Variants in XRRA1 observed in about 807,000 individuals in gnomAD.
The protein encoded by XRRA1 is X-ray radiation resistance-associated protein 1.
In XRRA1, 69 loss-of-function variants were observed where a neutral mutation model predicts 80.2. The observed-to-expected ratio is 0.86, with a 90% CI of 0.71 to 1.05. The LOEUF (loss-of-function observed/expected upper bound fraction) is 1.05, where lower values mean the gene tolerates loss of function less well. Among genes scored for constraint, XRRA1 ranks in the 50% least tolerant of loss-of-function variants. The probability of loss-of-function intolerance (pLI) is 0.00; values close to 1 mark genes in which losing one functional copy is unlikely to be tolerated. For synonymous variants in XRRA1, 348 were observed against 389.9 expected, an observed-to-expected ratio of 0.89 and a Z score of 1.27; for missense variants, 967 against 976.4, an observed-to-expected ratio of 0.99 and a Z score of 0.13.
At chr11:74,864,916 A>G (rs2043062557) in intron 10 of XRRA1, among the ~76,000 whole-genome samples, 1 of 152,208 alleles carries the variant, frequency 6.6e-6, no homozygotes, top group Non-Finnish European at 1.5e-5. Context: ...TCCAGCTGCA[A>G]TCAGAGAACT....
intron 10 of XRRA1, among the ~76,000 whole-genome samples, chr11:74,898,176 T>A (rs1197379943): frequency 2.6e-5 from 4 of 152,020 alleles, no homozygotes; most frequent in Non-Finnish European, 4.4e-5. Context: ...GTTTGTGCAA[T>A]CAGTGTTAAG....
At chr11:74,916,441 G>C (rs969719125) in intron 8 of XRRA1, among the ~76,000 whole-genome samples, 1 of 151,866 alleles carries the variant, frequency 6.6e-6, no homozygotes, top group South Asian at 2.1e-4. Flanking sequence ...CTGACTGCTC[G>C]AATCTGCCTT....
chr11:74,919,685 C>T, intron 8 of XRRA1: 1 of 531,850 alleles, frequency 1.9e-6, no homozygotes, highest in Non-Finnish European at 3.7e-6. Flanking sequence ...ACAAGTGCAT[C>T]CATGGAGTGG....
At chr11:74,850,334 AGAG>A (rs970421494) in intron 14 of XRRA1, among the ~76,000 whole-genome samples, 1 of 152,204 alleles carries the variant, frequency 6.6e-6, no homozygotes, top group Non-Finnish European at 1.5e-5. Flanking sequence ...CAGATCCTTA[AGAG>A]GAGGTAACAG....
intron 10 of XRRA1, among the ~76,000 whole-genome samples, chr11:74,895,378 C>A (rs2137558043): frequency 6.6e-6 from 1 of 152,354 alleles, no homozygotes; most frequent in East Asian, 1.9e-4. Context: ...TTTGGACTAG[C>A]CCCTAGCCAG....
intron 8 of XRRA1, among the ~76,000 whole-genome samples, chr11:74,913,337 T>A (rs1397648674): frequency 2.0e-5 from 3 of 152,230 alleles, no homozygotes; most frequent in Non-Finnish European, 2.9e-5. Context: ...CTGTTTAACA[T>A]CTCTTGTTTA....
intron 8 of XRRA1, among the ~76,000 whole-genome samples, chr11:74,918,056 G>T (rs1939331886): frequency 6.6e-6 from 1 of 151,720 alleles, no homozygotes; most frequent in Non-Finnish European, 1.5e-5. Flanking sequence ...GTCTTTTAAT[G>T]AAGACTACAG....
At chr11:74,894,481 T>C (rs1235825975) in intron 10 of XRRA1, among the ~76,000 whole-genome samples, 1 of 152,234 alleles carries the variant, frequency 6.6e-6, no homozygotes, top group Non-Finnish European at 1.5e-5. Context: ...CACAGTTCTG[T>C]ATGGCTTAGG....
At chr11:74,899,781 A>G (rs1013528522) in intron 10 of XRRA1, among the ~76,000 whole-genome samples, 1 of 152,200 alleles carries the variant, frequency 6.6e-6, no homozygotes, top group African/African-American at 2.4e-5. Context: ...CAGTAAAGAA[A>G]AGCCTGAGAC....
At chr11:74,869,952 T>G (rs2044380766) in intron 10 of XRRA1, among the ~76,000 whole-genome samples, 1 of 152,158 alleles carries the variant, frequency 6.6e-6, no homozygotes, top group African/African-American at 2.4e-5. Flanking sequence ...ACAACAAACC[T>G]CGGGTATCAC....
At chr11:74,907,322 C>T (rs1430022342) in intron 8 of XRRA1, 49 bp from the exon 9 acceptor site, 10 of 1,606,236 alleles carry the variant, frequency 6.2e-6, no homozygotes, top group Non-Finnish European at 8.5e-6. Flanking sequence ...GGGACAAATT[C>T]CACCATTCCC....
At chr11:74,854,084 C>T (rs2040518991) in intron 12 of XRRA1, among the ~76,000 whole-genome samples, 1 of 152,084 alleles carries the variant, frequency 6.6e-6, no homozygotes, top group African/African-American at 2.4e-5. Context: ...AAGCTATTCA[C>T]TAAGGGAACA....
intron 10 of XRRA1, among the ~76,000 whole-genome samples, chr11:74,892,623 A>C (rs1297112540): frequency 5.3e-5 from 8 of 152,196 alleles, no homozygotes; most frequent in Admixed American, 2.0e-4. Context: ...CAGGCAACCT[A>C]CAGAATGGGA....
intron 10 of XRRA1, chr11:74,863,872 G>A (rs2042831125): frequency 6.6e-6 from 1 of 152,194 alleles, no homozygotes; most frequent in Non-Finnish European, 1.5e-5. Context: ...TTCCCTGGGG[G>A]ATGGGCCATG....
intron 12 of XRRA1, among the ~76,000 whole-genome samples, chr11:74,854,563 C>T (rs1280358082): frequency 6.6e-6 from 1 of 152,036 alleles, no homozygotes; most frequent in Non-Finnish European, 1.5e-5. Context: ...ATCTGAATTT[C>T]ATATAATTTT....
At chr11:74,882,518 T>C (rs2136790182) in intron 10 of XRRA1, among the ~76,000 whole-genome samples, 1 of 152,360 alleles carries the variant, frequency 6.6e-6, no homozygotes, top group Non-Finnish European at 1.5e-5. Flanking sequence ...CTCGTCAAAG[T>C]CATTCTCCAT....
chr11:74,930,456 T>C (rs1269582791), intron 5 of XRRA1, 84 bp from the exon 6 acceptor site: 3 of 1,095,110 alleles, frequency 2.7e-6, no homozygotes, highest in Non-Finnish European at 3.9e-6. Flanking sequence ...TCAGGGCCAC[T>C]GTCAGAAGAA....
At chr11:74,946,441 A>T (rs1176723150) in intron 1 of XRRA1, among the ~76,000 whole-genome samples, 1 of 152,112 alleles carries the variant, frequency 6.6e-6, no homozygotes, top group Non-Finnish European at 1.5e-5. Flanking sequence ...TGGTTTTATA[A>T]CTGACAGTTC....
intron 10 of XRRA1, among the ~76,000 whole-genome samples, chr11:74,905,854 CT>C: frequency 6.6e-6 from 1 of 152,096 alleles, no homozygotes; most frequent in Admixed American, 6.6e-5. Context: ...AGGAGCACCT[CT>C]TCCAAGCTTC....
Sources: allele counts gnomAD v4.1 joint callset (sites outside exome capture counted in the v4.1 genomes callset), GRCh38; gene constraint gnomAD v4.1.1; transcripts MANE v1.5; gene names NCBI Gene and HGNC (gene_info 2026-07-23, HGNC 2026-07-21).